Variants in IPCEF1 observed in about 807,000 individuals in gnomAD.
IPCEF1 encodes the protein interaction protein for cytohesin exchange factors 1, also known as interactor protein for cytohesin exchange factors 1.
A neutral mutation model predicts 50.9 loss-of-function variants in IPCEF1; 31 were observed. The observed-to-expected ratio is 0.61, with a 90% confidence interval of 0.46 to 0.82. The LOEUF is 0.82. Among genes scored for constraint, IPCEF1 ranks in the 40% least tolerant of loss-of-function variants. IPCEF1 has a pLI of 0.00. For synonymous variants in IPCEF1, 181 were observed against 192.0 expected, an observed-to-expected ratio of 0.94 and a Z score of 0.47; for missense variants, 458 against 514.0, an observed-to-expected ratio of 0.89 and a Z score of 1.05.
Position 154,223,218 on chromosome 6 carries a change from T to C in IPCEF1, c.272A>G (p.Asn91Ser), listed in dbSNP as rs2128618443. ...QMAEKADGFV[N>S]LPDFTVERAS... ...TCTTTCCACAGTGAAATCAGGCAGG[T>C]TGACAAATCCATCAGCTTTCTCTGC... The change falls in exon 6 of 12, where the codon AAC (asparagine) becomes AGC (serine). Residue 91 changes from asparagine (N) to serine (S), a missense_variant. By Grantham distance (46) the Asn-to-Ser change is conservative. Coordinates refer to ENST00000367220, the MANE Select transcript of IPCEF1 (RefSeq NM_001130700.2). 1.2e-6 allele frequency: 2 copies of C among 1,613,620 alleles called. No individual in the cohort carries two copies. Among genetic ancestry groups the C allele is most frequent in the Admixed American group, 1.7e-5 (1 of 60,016 alleles).
In IPCEF1 at chr6:154,199,926, C is replaced by T. The variant is rs970587519; in HGVS notation, c.652G>A (p.Glu218Lys). 6.2e-7 allele frequency: 1 copy of T among 1,614,160 alleles called. No individual in the cohort carries two copies. The highest frequency in any genetic ancestry group is 1.7e-5 in the Admixed American group (1 of 60,028). Reference protein sequence around the residue: ...PSSFPSSLSKERQSLPDTVNS... With the variant: ...PSSFPSSLSKKRQSLPDTVNS... Reference sequence around the variant, plus strand: ...ACTGTGTCAGGCAAGGATTGTCTCTCTTTAGATAAGGAGGAAGGAAAACTG... The same window carrying T: ...ACTGTGTCAGGCAAGGATTGTCTCTTTTTAGATAAGGAGGAAGGAAAACTG... The change falls in exon 10 of 12, where the codon GAG becomes AAG. Residue 218 changes from glutamate to lysine, a missense_variant. Glu to Lys is a moderately conservative substitution (Grantham distance 56, BLOSUM62 1). Coordinates refer to ENST00000367220, the MANE Select transcript of IPCEF1 (RefSeq NM_001130700.2).
At chr6:154,258,014 A>G (rs898924398) in intron 3 of IPCEF1, among the ~76,000 whole-genome samples, 4 of 152,086 alleles carry the variant, frequency 2.6e-5, no homozygotes, top group Admixed American at 2.6e-4. Flanking sequence ...ACTTTTTTCT[A>G]TTCTGCAGAA....
intron 10 of IPCEF1, among the ~76,000 whole-genome samples, chr6:154,173,701 G>A (rs925455293): frequency 6.6e-6 from 1 of 152,212 alleles, no homozygotes; most frequent in Non-Finnish European, 1.5e-5. Context: ...TTTGATTGGT[G>A]TAACTGAAAG....
intron 1 of IPCEF1, among the ~76,000 whole-genome samples, chr6:154,330,568 C>A (rs1446919971): frequency 1.3e-5 from 2 of 152,060 alleles, no homozygotes; most frequent in African/African-American, 4.8e-5. Flanking sequence ...AAGCGATCCA[C>A]CCGCCTCACC....
intron 3 of IPCEF1, among the ~76,000 whole-genome samples, chr6:154,248,306 C>CGTGTGTGTGTGTGTGT (rs58415100): frequency 6.1e-5 from 9 of 147,242 alleles, no homozygotes; most frequent in East Asian, 4.0e-4. Context: ...CTTTAAAATA[C>CGTGTGTGTGTGTGTGT]GTGTGTGTGT....
chr6:154,354,302 G>A (rs903452736), intron 1 of IPCEF1, among the ~76,000 whole-genome samples: 4 of 148,978 alleles, frequency 2.7e-5, no homozygotes, highest in Admixed American at 6.8e-5. Context: ...CACCATCTCC[G>A]CCATCTGTAC....
intron 3 of IPCEF1, among the ~76,000 whole-genome samples, chr6:154,258,323 TCTC>T (rs933503468): frequency 8.5e-5 from 13 of 152,120 alleles, no homozygotes; most frequent in African/African-American, 2.9e-4. Context: ...TTAAGAAACT[TCTC>T]CACAGATCAC....
chr6:154,231,560 C>T (rs1200916353), intron 5 of IPCEF1, among the ~76,000 whole-genome samples: 1 of 152,220 alleles, frequency 6.6e-6, no homozygotes, highest in African/African-American at 2.4e-5. Context: ...AAACGCCATA[C>T]AACGCGTAGA....
chr6:154,216,714 A>C (rs940763340), intron 7 of IPCEF1, among the ~76,000 whole-genome samples: 1 of 152,168 alleles, frequency 6.6e-6, no homozygotes, highest in African/African-American at 2.4e-5. Context: ...CCAAAAATAC[A>C]AAAATTAGCC....
chr6:154,293,154 C>T (rs988974150), intron 1 of IPCEF1, among the ~76,000 whole-genome samples: 3 of 152,200 alleles, frequency 2.0e-5, no homozygotes, highest in African/African-American at 7.2e-5. Context: ...TGAGTCACAA[C>T]TTATAACATG....
chr6:154,190,629 C>A (rs931364966), intron 10 of IPCEF1, among the ~76,000 whole-genome samples: 10 of 152,188 alleles, frequency 6.6e-5, no homozygotes, highest in Non-Finnish European at 1.5e-4. Flanking sequence ...CATACTCTTA[C>A]CATACAATCC....
At chr6:154,272,609 C>A (rs2128658760) in intron 2 of IPCEF1, among the ~76,000 whole-genome samples, 1 of 152,298 alleles carries the variant, frequency 6.6e-6, no homozygotes, top group South Asian at 2.1e-4. Flanking sequence ...GTTTTGTTAG[C>A]AAATGAGTAA....
At chr6:154,221,413 C>T in intron 6 of IPCEF1, 85 bp from the exon 7 acceptor site, 1 of 982,274 alleles carries the variant, frequency 1.0e-6, no homozygotes, top group Non-Finnish European at 1.6e-6. Flanking sequence ...AAAATACAAG[C>T]TTTGTAAACT....
At chr6:154,203,094 A>G (rs1777203903) in intron 9 of IPCEF1, among the ~76,000 whole-genome samples, 1 of 152,216 alleles carries the variant, frequency 6.6e-6, no homozygotes, top group Non-Finnish European at 1.5e-5. Flanking sequence ...TGGAGAAACC[A>G]ATAGCCAACA....
intron 1 of IPCEF1, among the ~76,000 whole-genome samples, chr6:154,342,886 G>A (rs540134862): frequency 2.6e-5 from 4 of 152,350 alleles, no homozygotes; most frequent in Admixed American, 1.3e-4. Context: ...GCTGAGGCCA[G>A]TGGATCACCT....
intron 8 of IPCEF1, among the ~76,000 whole-genome samples, chr6:154,213,983 T>G (rs1041928191): frequency 6.6e-6 from 1 of 152,224 alleles, no homozygotes; most frequent in Admixed American, 6.5e-5. Flanking sequence ...AGCCCACAGC[T>G]GCCGGAGTGT....
At chr6:154,341,046 G>A (rs138715041) in intron 1 of IPCEF1, among the ~76,000 whole-genome samples, 173 of 152,246 alleles carry the variant, frequency 1.1e-3, no homozygotes, top group African/African-American at 3.6e-3. Flanking sequence ...AGGCAGGAAG[G>A]CTCAAAGTGG....
At position 154,229,348 on chromosome 6, in the gene IPCEF1, T is replaced by A. The variant is rs995970379; in HGVS notation, c.247-6105A>T. Among the ~76,000 whole-genome samples the A allele has an allele frequency of 8.0e-5, 3 of 37,532 alleles. No homozygotes were observed. In the East Asian group the frequency reaches 2.5e-3, roughly 31 times the overall value. The allele number at this position is 37,532 out of a possible 152,430, so 24.6% of individuals were successfully genotyped here. A position where few individuals can be genotyped will look rare whatever the true frequency, so the allele number is the denominator to read the frequency against. On this transcript the variant is annotated intron_variant, in intron 5 of 11. Transcript: ENST00000367220. The stretch of plus-strand genomic sequence containing the variant: ...AGGCAGTGTGGAAAAGTTTGCCGGT[T>A]TTTTTTTTTTTTTTTTTTTGAGACG...
chr6:154,236,307 T>C (rs907249483), intron 5 of IPCEF1, among the ~76,000 whole-genome samples: 5 of 152,300 alleles, frequency 3.3e-5, no homozygotes, highest in Non-Finnish European at 5.9e-5. Context: ...AGGATAAATA[T>C]TGTATGATTC....
Sources: allele counts gnomAD v4.1 joint callset (sites outside exome capture counted in the v4.1 genomes callset), GRCh38; gene constraint gnomAD v4.1.1; transcripts MANE v1.5; gene names NCBI Gene and HGNC (gene_info 2026-07-23, HGNC 2026-07-21).